The following MICALL2 variants were observed in gnomAD, a reference collection of about 807,000 sequenced individuals.
The protein encoded by MICALL2 is MICAL-like protein 2.
MICALL2 carries 111 observed loss-of-function variants against 91.1 expected under a neutral mutation model. The observed-to-expected ratio is 1.22, with a 90% confidence interval of 1.04 to 1.43. The LOEUF is 1.43. Among genes scored for constraint, MICALL2 ranks in the 40% most tolerant of loss-of-function variants. MICALL2 has a pLI of 0.00. For missense variants in MICALL2, 1,556 were observed against 1,236.0 expected (o/e 1.26, Z -3.88); for synonymous variants, 694 against 525.3 (o/e 1.32, Z -4.39).
chr7:1,441,000 G>T (rs1040881129), intron 7 of MICALL2: 2 of 382,372 alleles, frequency 5.2e-6, no homozygotes, highest in East Asian at 5.5e-5. Context: ...CCTGTGCAAG[G>T]GGAACACCTG....
intron 1 of MICALL2, among the ~76,000 whole-genome samples, chr7:1,458,198 G>C (rs1480103782): frequency 1.3e-5 from 2 of 152,234 alleles, no homozygotes; most frequent in African/African-American, 4.8e-5. Context: ...CCCCGGATCT[G>C]CGCAACGGGC....
At chr7:1,436,694 C>G in intron 15 of MICALL2, 48 bp downstream of exon 15, 1 of 1,459,996 alleles carries the variant, frequency 6.8e-7, no homozygotes, top group Non-Finnish European at 9.3e-7. Flanking sequence ...GAGCATGGAC[C>G]AGGCGACCTG....
At position 1,440,645 on chromosome 7, in the gene MICALL2, G is replaced by C; in HGVS notation, c.1751C>G (p.Pro584Arg). The C allele has an allele frequency of 6.2e-7, 1 of 1,612,592 alleles. No individual in the cohort carries two copies. The highest frequency in any genetic ancestry group is 8.5e-7 in the Non-Finnish European group (1 of 1,179,938). The part of the protein sequence containing the change: ...TSLQEGQEDG[P>R]AGWRANLKPV... ...CTTCAGATTCGCTCTCCATCCTGCC[G>C]GCCCGTCCTCCTGGCCTTCCTGGAG... Residue 584 changes from proline to arginine, a missense_variant, in exon 8 of 17, where the codon CCG (proline) becomes CGG (arginine). By Grantham distance (103) the Pro-to-Arg change is moderately radical. Coordinates refer to ENST00000297508, the MANE Select transcript of MICALL2 (RefSeq NM_182924.4).
chr7:1,438,528 G>A lies in MICALL2; in HGVS notation c.2123-175C>T, dbSNP rs1584199521. The A allele has an allele frequency of 4.9e-6, 7 of 1,434,180 alleles. No homozygotes were observed. In the East Asian group the frequency reaches 7.6e-5, roughly 15 times the overall value. The allele number at this position is 1,434,180 out of a possible 1,614,324, so 88.8% of individuals were successfully genotyped here. A position where few individuals can be genotyped will look rare whatever the true frequency, so the allele number is the denominator to read the frequency against. On this transcript the variant is annotated intron_variant, in intron 10 of 16. Transcript: ENST00000297508. ...ACCCAGCCCCACAGACACCTGAGTG[G>A]CCTCCAGGCCCAGCCCCACCCTGCA...
chr7:1,447,457 G>T (rs761160330), intron 4 of MICALL2, 118 bp downstream of exon 4: 50 of 629,058 alleles, frequency 7.9e-5, no homozygotes, highest in Non-Finnish European at 1.1e-4. Context: ...TGGACTGGGG[G>T]AGCCGCACCC....
At position 1,438,841 on chromosome 7, in the gene MICALL2, T is replaced by A; in HGVS notation, c.2121A>T (p.Pro707=). 1 of 1,600,984 alleles carries A rather than the reference T, an allele frequency of 6.2e-7. No homozygotes were observed. Among genetic ancestry groups the A allele is most frequent in the African/African-American group, 1.3e-5 (1 of 74,864 alleles). The stretch of plus-strand genomic sequence containing the variant: ...AGCAGCGGTGTCTCTGGGGCTGACC[T>A]GGTTTGCCCTGAAGGTGAGGTTTCT... The part of the protein sequence containing the change: ...EEKKPHLQGK[P]GRPLSPANVP... The change falls in exon 10 of 17, where the codon CCA becomes CCT. Residue 707 remains proline (P), a splice_region_variant and synonymous_variant. Coordinates refer to ENST00000297508, the MANE Select transcript of MICALL2 (RefSeq NM_182924.4).
At chr7:1,435,781 A>G (rs545347553) in intron 15 of MICALL2, among the ~76,000 whole-genome samples, 101 of 152,324 alleles carry the variant, frequency 6.6e-4, no homozygotes, top group East Asian at 2.7e-3. Context: ...TTGGCCGGGC[A>G]CGGTGGCTCA....
chr7:1,453,572 T>A (rs1333124475), intron 1 of MICALL2, among the ~76,000 whole-genome samples: 1 of 152,136 alleles, frequency 6.6e-6, no homozygotes, highest in Non-Finnish European at 1.5e-5. Flanking sequence ...CCCCTGTCCT[T>A]GCCGGACAAA....
chr7:1,439,251 G>A (rs143808047), intron 9 of MICALL2: 120 of 508,808 alleles, frequency 2.4e-4, no homozygotes, highest in Non-Finnish European at 3.8e-4. Flanking sequence ...AGCTGGATAT[G>A]GATCCAGGGC....
chr7:1,438,437 T>C, intron 10 of MICALL2, 84 bp from the exon 11 acceptor site: 1 of 1,532,308 alleles, frequency 6.5e-7, no homozygotes, highest in Non-Finnish European at 8.8e-7. Flanking sequence ...GAGCCTGACC[T>C]CAGCACAGCA....
intron 16 of MICALL2, 24 bp from the exon 17 acceptor site, chr7:1,434,696 G>A: frequency 6.5e-7 from 1 of 1,533,410 alleles, no homozygotes; most frequent in East Asian, 2.3e-5. Context: ...GGACAGTGAG[G>A]CCGTGCTCAA....
intron 1 of MICALL2, chr7:1,450,631 C>G (rs1331393362): frequency 7.8e-6 from 2 of 256,556 alleles, no homozygotes; most frequent in African/African-American, 2.2e-5. Context: ...CAGCACAGCT[C>G]AGCTCGGAGG....
At chr7:1,439,480 GAC>G (rs1562450282) in intron 9 of MICALL2, 1 of 109,156 alleles carries the variant, frequency 9.2e-6, no homozygotes, top group Non-Finnish European at 1.6e-5. Flanking sequence ...TGTACACATG[GAC>G]ACATGCATCA....
chr7:1,459,426 C>T lies in MICALL2; in HGVS notation c.-100G>A, dbSNP rs1477183867. 2 of 1,179,218 alleles carry T rather than the reference C, an allele frequency of 1.7e-6. No homozygotes were observed. The highest frequency in any genetic ancestry group is 3.1e-4 in the Middle Eastern group (1 of 3,262). The allele number at this position is 1,179,218 out of a possible 1,614,324, so 73.0% of individuals were successfully genotyped here. On this transcript the variant is annotated 5_prime_UTR_variant, in exon 1 of 17. Coordinates refer to ENST00000297508, the MANE Select transcript of MICALL2 (RefSeq NM_182924.4). Reference sequence around the variant, plus strand: ...GGCGGGACAGACGCTGGGACCGCTACGGAACCGCCAGACCCACGGCGCCCA... The same window carrying T: ...GGCGGGACAGACGCTGGGACCGCTATGGAACCGCCAGACCCACGGCGCCCA...
At chr7:1,444,453 T>C (rs1780464656) in intron 6 of MICALL2, among the ~76,000 whole-genome samples, 199 bp downstream of exon 6, 1 of 152,196 alleles carries the variant, frequency 6.6e-6, no homozygotes, top group African/African-American at 2.4e-5. Context: ...GGACCCGGCT[T>C]CCACCACCCT....
rs1487057192 is a variant in MICALL2 at position 1,451,905 on chromosome 7, G to C, written c.144-1617C>G. Among the ~76,000 whole-genome samples the C allele has an allele frequency of 2.6e-5, 4 of 152,208 alleles. No individual in the cohort carries two copies. Among genetic ancestry groups the C allele is most frequent in the African/African-American group, 9.6e-5 (4 of 41,460 alleles). The stretch of plus-strand genomic sequence containing the variant: ...CCTGACCCCCATAAGAATGCTCCGA[G>C]GCCCGGACAGTGAGCCCATTTCACC... On this transcript the variant is annotated intron_variant, in intron 1 of 16. Coordinates refer to ENST00000297508, the MANE Select transcript of MICALL2 (RefSeq NM_182924.4). This position sits in a 1 kb window ranked among gnomAD's most constrained non-coding sequence, Gnocchi z 4.5.
At chr7:1,448,485 C>A in intron 3 of MICALL2, 135 bp downstream of exon 3, 2 of 801,000 alleles carry the variant, frequency 2.5e-6, no homozygotes, top group Admixed American at 2.1e-5. Flanking sequence ...CAGTGCACAG[C>A]CCCGGTGCCC....
rs755236750 is a variant in MICALL2 at position 1,445,427 on chromosome 7, AC to A, written c.642del (p.Arg214SerfsTer39). ...DGRLYHRSCFRCKQCSCTLHS... is the reference protein window; with the variant it reads ...DGRLYHRSCFXCKQCSCTLHS... ...TGCAGCGTGCAGGAGCACTGCTTACACCTGGGGGAGGAAAGGCACAGGAGCC... is the reference window on the plus strand; with the variant it reads ...TGCAGCGTGCAGGAGCACTGCTTACACTGGGGGAGGAAAGGCACAGGAGCC... On this transcript the variant is annotated frameshift_variant and splice_region_variant, in exon 6 of 17. Transcript: ENST00000297508. LOFTEE classifies it high-confidence loss of function. 1.3e-6 allele frequency: 2 copies of A among 1,529,876 alleles called. No individual in the cohort carries two copies. Among genetic ancestry groups the A allele is most frequent in the Admixed American group, 4.0e-5 (2 of 50,422 alleles). The allele number at this position is 1,529,876 out of a possible 1,614,324, so 94.8% of individuals were successfully genotyped here.
At chr7:1,449,319 T>C (rs1780735397) in intron 2 of MICALL2, among the ~76,000 whole-genome samples, 1 of 152,162 alleles carries the variant, frequency 6.6e-6, no homozygotes, top group South Asian at 2.1e-4. Context: ...TTATTTTTAT[T>C]TATTATTATG....
Sources: allele counts gnomAD v4.1 joint callset (sites outside exome capture counted in the v4.1 genomes callset), GRCh38; gene constraint gnomAD v4.1.1; non-coding constraint Gnocchi (gnomAD v3.1); transcripts MANE v1.5; gene names NCBI Gene and HGNC (gene_info 2026-07-23, HGNC 2026-07-21).